The following TAFA4 variants were observed in gnomAD, a reference collection of about 807,000 sequenced individuals.
TAFA4 encodes TAFA chemokine like family member 4.
In TAFA4, 20 loss-of-function variants were observed where a neutral mutation model predicts 21.1. The observed-to-expected ratio is 0.95, with a 90% CI of 0.67 to 1.38. TAFA4 has a LOEUF of 1.38. Among genes scored for constraint, TAFA4 ranks in the 40% most tolerant of loss-of-function variants. The pLI is 0.00. For synonymous variants in TAFA4, 71 were observed against 67.4 expected, an observed-to-expected ratio of 1.05 and a Z score of -0.26; for missense variants, 211 against 180.9, an observed-to-expected ratio of 1.17 and a Z score of -0.95.
intron 5 of TAFA4, 120 bp from the exon 6 acceptor site, chr3:68,733,273 A>G (rs989883496): frequency 2.7e-5 from 34 of 1,253,912 alleles, no homozygotes; most frequent in Non-Finnish European, 3.5e-5. Flanking sequence ...ACATTTACCT[A>G]TAACCGACCT....
At chr3:68,737,483 G>C (rs1448775636) in intron 5 of TAFA4, among the ~76,000 whole-genome samples, 1 of 152,056 alleles carries the variant, frequency 6.6e-6, no homozygotes, top group Non-Finnish European at 1.5e-5. Flanking sequence ...CACTAACAAG[G>C]ATAAGTTAGT....
intron 3 of TAFA4, among the ~76,000 whole-genome samples, chr3:68,861,456 T>C (rs573733132): frequency 6.6e-6 from 1 of 152,108 alleles, no homozygotes; most frequent in Non-Finnish European, 1.5e-5. Context: ...CCAGGCATCT[T>C]ATGAAACAAA....
chr3:68,896,106 G>A (rs1005090605), intron 1 of TAFA4, among the ~76,000 whole-genome samples: 2 of 152,258 alleles, frequency 1.3e-5, no homozygotes, highest in East Asian at 3.9e-4. Flanking sequence ...GAGGCCAGAG[G>A]GGAGTAAGCA....
chr3:68,851,609 T>C (rs535924635), intron 3 of TAFA4, among the ~76,000 whole-genome samples: 39 of 152,316 alleles, frequency 2.6e-4, no homozygotes, highest in African/African-American at 8.9e-4. Flanking sequence ...ATAAAGTTTT[T>C]AAATACTTGC....
At chr3:68,918,867 T>C (rs2107018786) in intron 1 of TAFA4, among the ~76,000 whole-genome samples, 1 of 152,258 alleles carries the variant, frequency 6.6e-6, no homozygotes, top group East Asian at 1.9e-4. Flanking sequence ...AAACCAGATT[T>C]TTATAAACTT....
chr3:68,850,608 A>C (rs1036490920), intron 3 of TAFA4, among the ~76,000 whole-genome samples: 2 of 152,016 alleles, frequency 1.3e-5, no homozygotes, highest in Admixed American at 6.6e-5. Context: ...ATATTATCTC[A>C]CTGCAGTTTT....
At chr3:68,815,193 C>T (rs1703943348) in intron 3 of TAFA4, among the ~76,000 whole-genome samples, 1 of 152,100 alleles carries the variant, frequency 6.6e-6, no homozygotes, top group South Asian at 2.1e-4. Context: ...AAATGTTAGA[C>T]CTAAAACCAT....
intron 3 of TAFA4, among the ~76,000 whole-genome samples, chr3:68,858,150 T>C (rs1439384061): frequency 6.6e-6 from 1 of 152,124 alleles, no homozygotes; most frequent in Non-Finnish European, 1.5e-5. Flanking sequence ...ATCTGATTCA[T>C]CGCTTCTCCA....
At chr3:68,828,470 T>A (rs529503947) in intron 3 of TAFA4, among the ~76,000 whole-genome samples, 2 of 152,312 alleles carry the variant, frequency 1.3e-5, no homozygotes, top group Admixed American at 6.5e-5. Flanking sequence ...CCTTGGGCAG[T>A]ATGGCCATTT....
intron 3 of TAFA4, among the ~76,000 whole-genome samples, chr3:68,769,279 A>G (rs1469552427): frequency 6.6e-6 from 1 of 152,216 alleles, no homozygotes; most frequent in East Asian, 1.9e-4. Context: ...GGGACCAGCT[A>G]GTTGCTGGAA....
intron 3 of TAFA4, among the ~76,000 whole-genome samples, chr3:68,812,450 T>C (rs909332705): frequency 5.3e-5 from 8 of 151,880 alleles, no homozygotes; most frequent in East Asian, 1.9e-4. Context: ...CAGAGACACA[T>C]ATAGGCTCAA....
At chr3:68,755,347 T>A (rs1013509201) in intron 3 of TAFA4, among the ~76,000 whole-genome samples, 2 of 152,222 alleles carry the variant, frequency 1.3e-5, no homozygotes, top group Non-Finnish European at 2.9e-5. Context: ...ATCAGGAGTT[T>A]GTAGAACAAA....
At chr3:68,806,706 A>G (rs1242372016) in intron 3 of TAFA4, among the ~76,000 whole-genome samples, 5 of 152,110 alleles carry the variant, frequency 3.3e-5, no homozygotes, top group Admixed American at 3.3e-4. Context: ...TCATGAGGAT[A>G]GAGTCCTCAT....
intron 4 of TAFA4, among the ~76,000 whole-genome samples, chr3:68,741,768 G>C (rs1267945398): frequency 6.6e-6 from 1 of 151,836 alleles, no homozygotes; most frequent in Non-Finnish European, 1.5e-5. Context: ...TTCCAGCCTG[G>C]GTGACAGAGC....
intron 1 of TAFA4, among the ~76,000 whole-genome samples, chr3:68,929,849 C>G (rs906917993): frequency 6.6e-6 from 1 of 152,216 alleles, no homozygotes; most frequent in African/African-American, 2.4e-5. Flanking sequence ...TCCTTCTTTC[C>G]CTTATTCATC....
At chr3:68,813,524 A>G (rs2106849090) in intron 3 of TAFA4, among the ~76,000 whole-genome samples, 1 of 152,362 alleles carries the variant, frequency 6.6e-6, no homozygotes, top group Non-Finnish European at 1.5e-5. Context: ...ACCATCAGAG[A>G]ATAGTATAAA....
intron 3 of TAFA4, among the ~76,000 whole-genome samples, chr3:68,818,749 T>C (rs1052053910): frequency 1.3e-5 from 2 of 152,176 alleles, no homozygotes; most frequent in Non-Finnish European, 2.9e-5. Flanking sequence ...GTTCACCATC[T>C]TACCTGGGCA....
chr3:68,808,996 T>A (rs189646908), intron 3 of TAFA4, among the ~76,000 whole-genome samples: 9 of 152,272 alleles, frequency 5.9e-5, no homozygotes, highest in Admixed American at 2.6e-4. Context: ...CACATGTCAC[T>A]TCCACTCAGA....
intron 3 of TAFA4, among the ~76,000 whole-genome samples, chr3:68,826,940 G>T (rs552298067): frequency 6.6e-6 from 1 of 152,166 alleles, no homozygotes; most frequent in Non-Finnish European, 1.5e-5. Context: ...CAACATGCAG[G>T]TTTTTTACAT....
Sources: allele counts gnomAD v4.1 joint callset (sites outside exome capture counted in the v4.1 genomes callset), GRCh38; gene constraint gnomAD v4.1.1; transcripts MANE v1.5; gene names NCBI Gene and HGNC (gene_info 2026-07-23, HGNC 2026-07-21).